ZCCHC10: variants seen among roughly 807,000 people sequenced by gnomAD.
ZCCHC10 encodes zinc finger CCHC-type containing 10, also known as zinc finger CCHC domain-containing protein 10.
A neutral mutation model predicts 19.5 loss-of-function variants in ZCCHC10; 16 were observed. The ratio of observed to expected loss-of-function variants is 0.82; its 90% CI spans 0.56 to 1.25. The LOEUF is 1.25. Among genes scored for constraint, ZCCHC10 ranks in the 50% most tolerant of loss-of-function variants. ZCCHC10 has a pLI of 0.00. For missense variants in ZCCHC10, 197 were observed against 201.0 expected (o/e 0.98, Z 0.12); for synonymous variants, 67 against 72.5 (o/e 0.92, Z 0.38).
At chr5:133,019,095 G>C (rs988736143) in intron 2 of ZCCHC10, 4 of 451,452 alleles carry the variant, frequency 8.9e-6, no homozygotes, top group African/African-American at 6.0e-5. Context: ...CTAAAGCTCA[G>C]GTATGAGGCT....
intron 2 of ZCCHC10, among the ~76,000 whole-genome samples, chr5:133,018,305 G>C (rs988767193): frequency 1.2e-4 from 18 of 150,780 alleles, no homozygotes; most frequent in African/African-American, 4.1e-4. Flanking sequence ...TCAGCAAGCT[G>C]ATTTTTTTTT....
intron 2 of ZCCHC10, among the ~76,000 whole-genome samples, chr5:133,008,839 C>T (rs1024628587): frequency 5.3e-5 from 8 of 151,994 alleles, no homozygotes; most frequent in African/African-American, 1.7e-4. Flanking sequence ...TGGTGAAACC[C>T]TGTCTCTAAA....
At chr5:133,019,171 A>G (rs1329572467) in intron 2 of ZCCHC10, 1 of 418,978 alleles carries the variant, frequency 2.4e-6, no homozygotes, top group South Asian at 1.7e-5. Flanking sequence ...ACCCGAGCTC[A>G]GGAGTTTGAG....
chr5:133,016,481 T>G (rs1416797401), intron 2 of ZCCHC10, among the ~76,000 whole-genome samples: 1 of 152,134 alleles, frequency 6.6e-6, no homozygotes, highest in Non-Finnish European at 1.5e-5. Flanking sequence ...TTTGCGCCTG[T>G]GCCCAGGCTG....
intron 2 of ZCCHC10, among the ~76,000 whole-genome samples, chr5:133,021,177 G>A (rs1432428141): frequency 2.0e-5 from 3 of 151,840 alleles, no homozygotes; most frequent in African/African-American, 7.3e-5. Flanking sequence ...TTACAGGCGT[G>A]AGCCACCGCG....
chr5:133,019,820 G>T (rs1764178484), intron 2 of ZCCHC10, among the ~76,000 whole-genome samples: 1 of 151,650 alleles, frequency 6.6e-6, no homozygotes, highest in Non-Finnish European at 1.5e-5. Flanking sequence ...TGCGTGGGGT[G>T]GTGCATCTGT....
intron 2 of ZCCHC10, among the ~76,000 whole-genome samples, chr5:133,018,196 C>A (rs1764053915): frequency 6.7e-6 from 1 of 148,418 alleles, no homozygotes; most frequent in South Asian, 2.2e-4. Flanking sequence ...AGATAGTAAA[C>A]AAACCAAGGC....
Position 133,004,650 on chromosome 5 carries a change from G to A in ZCCHC10, c.269+2109C>T, listed in dbSNP as rs181122008. 4.3e-3 allele frequency among the ~76,000 whole-genome samples: 652 copies of A among 151,898 alleles called. 6 individuals carry two copies. Among genetic ancestry groups the A allele is most frequent in the African/African-American group, 0.014 (570 of 41,466 alleles). Reference sequence around the variant, plus strand: ...ACTACAGGTGCCCACCACCACGCCCGGCTGATTTTTTGTATCTTTTTAGTA... The same window carrying A: ...ACTACAGGTGCCCACCACCACGCCCAGCTGATTTTTTGTATCTTTTTAGTA... On this transcript the variant is annotated intron_variant, in intron 3 of 4. Transcript: ENST00000509437.
rs111439967 is a variant in ZCCHC10, at chr5:133,005,295, C to CA, written c.269+1463dup. 6.2e-5 allele frequency among the ~76,000 whole-genome samples: 9 copies of CA among 145,906 alleles called. No homozygotes were observed. The South Asian group carries it at 6.5e-4, about 10-fold the overall frequency. On this transcript the variant is annotated intron_variant, in intron 3 of 4. Coordinates refer to ENST00000509437, the MANE Select transcript of ZCCHC10 (RefSeq NM_001300816.3). ...TGGGTGACAGAGCAAGACTCTGTCTCAAAAAAAAAATTTTTTACTCTAAAA... is the reference window on the plus strand; with the variant it reads ...TGGGTGACAGAGCAAGACTCTGTCTCAAAAAAAAAAATTTTTTACTCTAAAA...
chr5:133,017,824 T>C (rs1764021794), intron 2 of ZCCHC10, among the ~76,000 whole-genome samples: 1 of 152,114 alleles, frequency 6.6e-6, no homozygotes, highest in Admixed American at 6.6e-5. Context: ...ACAATCCAAA[T>C]TGAACGATTG....
At chr5:133,023,609 T>C (rs1268001559) in intron 1 of ZCCHC10, among the ~76,000 whole-genome samples, 1 of 151,888 alleles carries the variant, frequency 6.6e-6, no homozygotes, top group Non-Finnish European at 1.5e-5. Flanking sequence ...ACCCCGTCTC[T>C]ACTAAAAATA....
At chr5:133,011,460 T>G (rs1476701127) in intron 2 of ZCCHC10, 1 of 151,454 alleles carries the variant, frequency 6.6e-6, no homozygotes, top group Non-Finnish European at 1.5e-5. Context: ...CCATCTCTAA[T>G]AAAAATACAA....
At chr5:133,004,125 T>G (rs1192001784) in intron 3 of ZCCHC10, among the ~76,000 whole-genome samples, 1 of 152,174 alleles carries the variant, frequency 6.6e-6, no homozygotes, top group African/African-American at 2.4e-5. Context: ...ATTTTTAAAT[T>G]TTATTTTTTC....
At chr5:132,998,881 G>C in intron 4 of ZCCHC10, 31 bp from the exon 5 acceptor site, 1 of 1,595,652 alleles carries the variant, frequency 6.3e-7, no homozygotes, top group East Asian at 2.2e-5. Context: ...ATATACATGG[G>C]AAGGTGACAT....
At chr5:133,000,816 C>A (rs1762721644) in intron 3 of ZCCHC10, among the ~76,000 whole-genome samples, 1 of 151,404 alleles carries the variant, frequency 6.6e-6, no homozygotes. Context: ...CTAATTTTTA[C>A]ATTTTTAGTA....
intron 2 of ZCCHC10, among the ~76,000 whole-genome samples, chr5:133,018,473 C>G (rs904094091): frequency 1.3e-5 from 2 of 151,988 alleles, no homozygotes; most frequent in African/African-American, 4.8e-5. Flanking sequence ...AATCTCGGTT[C>G]ACTGCAACCT....
chr5:133,000,215 G>T (rs1432863269), intron 3 of ZCCHC10, 42 bp from the exon 4 acceptor site: 2 of 1,609,310 alleles, frequency 1.2e-6, no homozygotes, highest in Middle Eastern at 1.7e-4. Flanking sequence ...TTAATAGAGT[G>T]ATTATACACA....
intron 2 of ZCCHC10, among the ~76,000 whole-genome samples, chr5:133,018,649 C>T (rs1160607541): frequency 1.3e-5 from 2 of 152,130 alleles, no homozygotes; most frequent in Admixed American, 6.6e-5. Context: ...TCCTTGGCCT[C>T]GGCCCACCTT....
intron 2 of ZCCHC10, among the ~76,000 whole-genome samples, chr5:133,009,070 C>T (rs1184570325): frequency 6.6e-6 from 1 of 151,806 alleles, no homozygotes; most frequent in Non-Finnish European, 1.5e-5. Flanking sequence ...TGCAGTGGCA[C>T]GATCTCGGCT....
Sources: gnomAD v4.1 joint callset for allele counts (sites outside exome capture counted in the v4.1 genomes callset) on GRCh38, gnomAD v4.1.1 for gene constraint, MANE v1.5 for transcripts, NCBI Gene and HGNC (gene_info 2026-07-23, HGNC 2026-07-21) for gene names.